CRISPLD1: variants seen among roughly 807,000 people sequenced by gnomAD.
The protein encoded by CRISPLD1 is cysteine rich secretory protein LCCL domain containing 1.
Under a neutral mutation model 77.5 loss-of-function variants are expected in CRISPLD1, and 60 were observed. That is an observed-to-expected ratio of 0.77 (90% CI 0.63 to 0.96). The LOEUF is 0.96. Ranked by LOEUF, CRISPLD1 falls within the 40% of genes least tolerant of loss-of-function variation. The probability of loss-of-function intolerance (pLI) is 0.00; values close to 1 mark genes in which losing one functional copy is unlikely to be tolerated. For missense variants in CRISPLD1, 623 were observed against 615.8 expected (o/e 1.01, Z -0.12); for synonymous variants, 195 against 200.1 (o/e 0.97, Z 0.22).
chr8:75,026,239 T>A (rs1438357958), intron 13 of CRISPLD1, among the ~76,000 whole-genome samples: 1 of 152,078 alleles, frequency 6.6e-6, no homozygotes, highest in Non-Finnish European at 1.5e-5. Context: ...CATGACACCA[T>A]GCCTGGCTCT....
rs544635571 is a variant in CRISPLD1 at position 74,988,441 on chromosome 8, A to C, written c.258+2196A>C. Among the ~76,000 whole-genome samples, 3 of 152,228 alleles carry C rather than the reference A, an allele frequency of 2.0e-5. No homozygotes were observed. In the East Asian group the frequency reaches 5.8e-4, roughly 29 times the overall value. The stretch of plus-strand genomic sequence containing the variant: ...TTACCTATTGGTTCATATTTTAGTT[A>C]ACTCTTTGTCTTTAAACCTATGGGA... On this transcript the variant is annotated intron_variant, in intron 2 of 14. Coordinates refer to ENST00000262207, the MANE Select transcript of CRISPLD1 (RefSeq NM_031461.6).
chr8:75,030,735 T>C (rs1014777006), intron 14 of CRISPLD1, among the ~76,000 whole-genome samples: 1 of 134,558 alleles, frequency 7.4e-6, no homozygotes, highest in Non-Finnish European at 1.7e-5. Flanking sequence ...TCTGTGTATA[T>C]ATGTATGAGT....
chr8:74,998,919 A>G (rs1178064692), intron 2 of CRISPLD1, among the ~76,000 whole-genome samples: 2 of 151,920 alleles, frequency 1.3e-5, no homozygotes, highest in East Asian at 1.9e-4. Flanking sequence ...AATCAAAGAC[A>G]TGTTAGTAAC....
chr8:75,014,546 C>T (rs536855725), intron 5 of CRISPLD1, among the ~76,000 whole-genome samples: 45 of 152,148 alleles, frequency 3.0e-4, no homozygotes, highest in Non-Finnish European at 6.3e-4. Flanking sequence ...AGTGAATATT[C>T]CATGGCAGAG....
chr8:75,000,205 A>G (rs1045670021), intron 2 of CRISPLD1: 3 of 985,132 alleles, frequency 3.0e-6, no homozygotes, highest in African/African-American at 3.5e-5. Context: ...ACATGAAACT[A>G]TATCTTATGC....
intron 4 of CRISPLD1, among the ~76,000 whole-genome samples, chr8:75,013,623 GCTCC>G (rs1386811815): frequency 2.6e-5 from 4 of 152,098 alleles, no homozygotes; most frequent in African/African-American, 9.7e-5. Flanking sequence ...GTAAATTTTT[GCTCC>G]AGTATTTGCT....
intron 2 of CRISPLD1, among the ~76,000 whole-genome samples, chr8:74,989,263 A>G (rs1202249448): frequency 6.6e-6 from 1 of 152,228 alleles, no homozygotes; most frequent in Non-Finnish European, 1.5e-5. Flanking sequence ...TATTGGTGAT[A>G]GAAACCAGTA....
chr8:74,986,294 C>G, intron 2 of CRISPLD1, 49 bp downstream of exon 2: 5 of 1,547,176 alleles, frequency 3.2e-6, no homozygotes, highest in Non-Finnish European at 4.4e-6. Flanking sequence ...TTTATTCATG[C>G]TTTCAGTCAG....
intron 12 of CRISPLD1, among the ~76,000 whole-genome samples, chr8:75,022,575 G>A (rs185737264): frequency 8.2e-5 from 12 of 146,230 alleles, no homozygotes; most frequent in Admixed American, 5.5e-4. Context: ...GCGAAAGAGC[G>A]AGACTCTGTC....
intron 14 of CRISPLD1, 149 bp from the exon 15 acceptor site, chr8:75,032,042 A>G (rs1269903738): frequency 7.6e-6 from 4 of 528,212 alleles, no homozygotes; most frequent in African/African-American, 3.8e-5. Flanking sequence ...GAGCTTTCCA[A>G]TAACTATAAA....
At chr8:74,999,357 A>C (rs979861494) in intron 2 of CRISPLD1, among the ~76,000 whole-genome samples, 2 of 152,210 alleles carry the variant, frequency 1.3e-5, no homozygotes, top group African/African-American at 4.8e-5. Flanking sequence ...AAGTATTTTG[A>C]AATTAGCAGG....
chr8:75,002,971 T>C (rs1812771039), intron 2 of CRISPLD1, among the ~76,000 whole-genome samples: 1 of 152,228 alleles, frequency 6.6e-6, no homozygotes, highest in Non-Finnish European at 1.5e-5. Context: ...AATAATGCTA[T>C]AGTCATATTC....
intron 1 of CRISPLD1, among the ~76,000 whole-genome samples, chr8:74,985,214 G>A (rs1299732270): frequency 1.3e-5 from 2 of 152,118 alleles, no homozygotes; most frequent in South Asian, 2.1e-4. Flanking sequence ...CTCTCAAGTT[G>A]CCGGGGAGCT....
chr8:74,999,598 C>T (rs1031697763), intron 2 of CRISPLD1, among the ~76,000 whole-genome samples: 1 of 152,118 alleles, frequency 6.6e-6, no homozygotes, highest in Non-Finnish European at 1.5e-5. Flanking sequence ...CTAGCAACCT[C>T]ATTTTAAGTA....
chr8:75,002,560 G>T (rs1168905442), intron 2 of CRISPLD1, among the ~76,000 whole-genome samples: 1 of 151,918 alleles, frequency 6.6e-6, no homozygotes, highest in Non-Finnish European at 1.5e-5. Flanking sequence ...GCAAGCCATG[G>T]GGTGTGGCAG....
chr8:74,991,944 A>G (rs549916645), intron 2 of CRISPLD1, among the ~76,000 whole-genome samples: 1 of 152,320 alleles, frequency 6.6e-6, no homozygotes, highest in Non-Finnish European at 1.5e-5. Context: ...TATAGTATTA[A>G]AGCCTATTTC....
chr8:75,020,026 A>G lies in CRISPLD1; in HGVS notation c.1191A>G (p.Glu397=), dbSNP rs1813104210. The G allele has an allele frequency of 6.2e-7, 1 of 1,614,016 alleles. No homozygotes were observed. Among genetic ancestry groups the G allele is most frequent in the African/African-American group, 1.3e-5 (1 of 74,918 alleles). ...CTTCAGTTCAGGCTGTGACTTGTGA[A>G]ACAACTGTGGAACAGCTCTGTCCAT... ...SKVTVQAVTC[E]TTVEQLCPFH... is the part of the protein sequence containing the mutation. Residue 397 remains glutamate (E), a synonymous_variant, in exon 12 of 15, where the codon GAA becomes GAG. Coordinates refer to ENST00000262207, the MANE Select transcript of CRISPLD1 (RefSeq NM_031461.6).
intron 14 of CRISPLD1, among the ~76,000 whole-genome samples, chr8:75,031,187 G>A (rs1053514688): frequency 9.2e-5 from 14 of 152,152 alleles, no homozygotes; most frequent in African/African-American, 3.1e-4. Flanking sequence ...GCACATGTGT[G>A]TATATGTTGT....
intron 12 of CRISPLD1, among the ~76,000 whole-genome samples, chr8:75,024,317 T>TTAG (rs146396937): frequency 6.6e-6 from 1 of 151,226 alleles, no homozygotes; most frequent in East Asian, 2.0e-4. Flanking sequence ...GACTTGTACA[T>TTAG]TTGTTGTTGT....
Sources: gnomAD v4.1 joint callset for allele counts (sites outside exome capture counted in the v4.1 genomes callset) on GRCh38, gnomAD v4.1.1 for gene constraint, MANE v1.5 for transcripts, NCBI Gene and HGNC (gene_info 2026-07-23, HGNC 2026-07-21) for gene names.